The following TNRC6A variants were observed in gnomAD, a reference collection of about 807,000 sequenced individuals.
The protein encoded by TNRC6A is trinucleotide repeat containing adaptor 6A.
TNRC6A carries 44 observed loss-of-function variants against 221.2 expected under a neutral mutation model. The ratio of observed to expected loss-of-function variants is 0.20; its 90% CI spans 0.16 to 0.26. TNRC6A has a LOEUF of 0.26. TNRC6A is among the 10% of genes least tolerant of loss of function. The pLI, the probability that TNRC6A is intolerant of heterozygous loss-of-function variation, is 1.00. For synonymous variants in TNRC6A, 847 were observed against 838.5 expected (o/e 1.01, Z -0.18); for missense variants, 2,199 against 2,404.4 (o/e 0.91, Z 1.79).
At chr16:24,671,008 T>G (rs1457854259) in intron 2 of TNRC6A, 1 of 391,102 alleles carries the variant, frequency 2.6e-6, no homozygotes, top group Non-Finnish European at 5.3e-6. Context: ...GGCAGCACAT[T>G]CCTCATCTTC....
chr16:24,729,669 GCGGCGGCGGCGGTGT>G lies in TNRC6A; in HGVS notation c.-160_-146del, dbSNP rs1166358176. ...GGCATTCACTTCCGGTCTGGGGCCT[GCGGCGGCGGCGGTGT>G]CGGCGGCGGCGGCGGCGGCGGCGGC... On this transcript the variant is annotated 5_prime_UTR_variant, in exon 1 of 25. Coordinates refer to ENST00000395799, the MANE Select transcript of TNRC6A (RefSeq NM_014494.4). The G allele has an allele frequency of 1.1e-4, 68 of 635,010 alleles. 1 individual carries two copies. Among genetic ancestry groups the G allele is most frequent in the East Asian group, 4.1e-4 (11 of 26,970 alleles). 39.3% of individuals were successfully genotyped at this position (635,010 alleles called of 1,614,324 possible). A position where few individuals can be genotyped will look rare whatever the true frequency, so the allele number is the denominator to read the frequency against.
intron 2 of TNRC6A, among the ~76,000 whole-genome samples, chr16:24,648,897 T>C (rs987559271): frequency 1.3e-5 from 2 of 152,202 alleles, no homozygotes; most frequent in Admixed American, 1.3e-4. Context: ...AGCTTTTTTG[T>C]TTCACTCTAC....
Position 24,794,601 on chromosome 16 carries a change from G to A in TNRC6A, c.3410G>A (p.Arg1137His), listed in dbSNP as rs771133343. 2.3e-5 allele frequency: 37 copies of A among 1,613,798 alleles called. No individual in the cohort carries two copies. The highest frequency in any genetic ancestry group is 3.0e-5 in the Non-Finnish European group (35 of 1,179,908). ...GATGATATGCCATTGCCTGGAAATC[G>A]CCCCACTGGCTGGGAAGAGGAAGAG... ...CGDDMPLPGN[R>H]PTGWEEEEDV... is the part of the protein sequence containing the mutation. The change falls in exon 8 of 25, where the codon CGC becomes CAC. Residue 1137 changes from arginine to histidine, a missense_variant. Arg to His is a conservative substitution (Grantham distance 29). Transcript: ENST00000395799.
chr16:24,815,242 A>G lies in TNRC6A; in HGVS notation c.4768A>G (p.Ile1590Val), dbSNP rs1167438773. The change falls in exon 19 of 25, where the codon ATA (isoleucine) becomes GTA (valine). Residue 1590 changes from isoleucine to valine, a missense_variant. Transcript: ENST00000395799. Reference sequence around the variant, plus strand: ...TTCACCAGCCAGTCCTCCAGGTTCAATAGGAGATGGCTGGCCACGTGCCAA... The same window carrying G: ...TTCACCAGCCAGTCCTCCAGGTTCAGTAGGAGATGGCTGGCCACGTGCCAA... The part of the protein sequence containing the change: ...STSPASPPGS[I>V]GDGWPRAKSP... 3.7e-6 allele frequency: 6 copies of G among 1,614,226 alleles called. No individual in the cohort carries two copies. The highest frequency in any genetic ancestry group is 1.3e-5 in the African/African-American group (1 of 75,058).
At position 24,790,390 on chromosome 16, in the gene TNRC6A, G is replaced by A. The variant is rs145102738; in HGVS notation, c.1748G>A (p.Ser583Asn). 1 of 1,614,228 alleles carries A rather than the reference G, an allele frequency of 6.2e-7. No homozygotes were observed. The highest frequency in any genetic ancestry group is 8.5e-7 in the Non-Finnish European group (1 of 1,180,040). ...GAATCTGGTGCAGCAAACTCCCAGAGTACATCATGGGGAAGTGGAAATGGC... is the reference window on the plus strand; with the variant it reads ...GAATCTGGTGCAGCAAACTCCCAGAATACATCATGGGGAAGTGGAAATGGC... Reference protein sequence around the residue: ...VWESGAANSQSTSWGSGNGAN... With the variant: ...VWESGAANSQNTSWGSGNGAN... Residue 583 changes from serine to asparagine, a missense_variant, in exon 6 of 25, where the codon AGT becomes AAT. By Grantham distance (46) the Ser-to-Asn change is conservative. Around this residue, in one of 8 missense-constraint regions of TNRC6A, gnomAD observed 1,405 missense variants for 1,400.2 expected, o/e 1.00. Coordinates refer to ENST00000395799, the MANE Select transcript of TNRC6A (RefSeq NM_014494.4).
upstream of TNRC6A, among the ~76,000 whole-genome samples, chr16:24,724,807 A>G (rs975180289): frequency 6.6e-6 from 1 of 152,160 alleles, no homozygotes; most frequent in Non-Finnish European, 1.5e-5. Context: ...ATGTTTATAC[A>G]TTACTGTGAA....
At chr16:24,660,014 C>T (rs1460142389) in intron 2 of TNRC6A, among the ~76,000 whole-genome samples, 1 of 151,876 alleles carries the variant, frequency 6.6e-6, no homozygotes, top group Non-Finnish European at 1.5e-5. Context: ...ATATGTTAGT[C>T]TTGGTGTCTG....
rs546968058 is a variant in TNRC6A at position 24,622,577 on chromosome 16, G to A, written n.276+12093G>A. Among the ~76,000 whole-genome samples the A allele has an allele frequency of 2.0e-5, 3 of 152,300 alleles. No homozygotes were observed. The East Asian group carries it at 5.8e-4, about 29-fold the overall frequency. On this transcript the variant is annotated intron_variant and non_coding_transcript_variant, in intron 1 of 2. Coordinates refer to the TNRC6A transcript ENST00000566108. ...CTACTGCACTCCAGCCTGGGTGACA[G>A]AGAGAGACTGCATCTCAAAGAAGAA...
At chr16:24,766,678 T>C (rs2057479674) in intron 4 of TNRC6A, among the ~76,000 whole-genome samples, 1 of 146,736 alleles carries the variant, frequency 6.8e-6, no homozygotes, top group African/African-American at 2.5e-5. Context: ...TTTTATCTTT[T>C]TTTTTTTTTT....
rs540191364 is a variant in TNRC6A at position 24,735,498 on chromosome 16, T to G, written c.53+5198T>G. Among the ~76,000 whole-genome samples, 59 of 152,294 alleles carry G rather than the reference T, an allele frequency of 3.9e-4. 1 individual carries two copies. The South Asian group carries it at 4.8e-3, about 12-fold the overall frequency. ...AGGTTGGTGCGAAAGTTAATTGTGG[T>G]TTTTGCTCATTTTTAATGTACCAAC... On this transcript the variant is annotated intron_variant, in intron 2 of 24. Coordinates refer to ENST00000395799, the MANE Select transcript of TNRC6A (RefSeq NM_014494.4).
intron 4 of TNRC6A, among the ~76,000 whole-genome samples, chr16:24,761,319 A>T (rs2057357398): frequency 6.6e-6 from 1 of 152,240 alleles, no homozygotes; most frequent in East Asian, 1.9e-4. Flanking sequence ...TTGAATATTT[A>T]AAAAATCTTT....
At chr16:24,765,436 G>T (rs1326101093) in intron 4 of TNRC6A, among the ~76,000 whole-genome samples, 1 of 152,184 alleles carries the variant, frequency 6.6e-6, no homozygotes, top group African/African-American at 2.4e-5. Context: ...CACAGGTTGG[G>T]TAGTTCTGCT....
At chr16:24,757,095 C>T (rs2057267673) in intron 3 of TNRC6A, among the ~76,000 whole-genome samples, 1 of 152,096 alleles carries the variant, frequency 6.6e-6, no homozygotes, top group South Asian at 2.1e-4. Context: ...GTGTTGTTAG[C>T]TAGTTGACTG....
intron 4 of TNRC6A, among the ~76,000 whole-genome samples, chr16:24,769,989 T>G (rs984413687): frequency 6.6e-6 from 1 of 152,186 alleles, no homozygotes; most frequent in African/African-American, 2.4e-5. Flanking sequence ...CAGAGCACAT[T>G]GACTGCATTG....
intron 2 of TNRC6A, among the ~76,000 whole-genome samples, chr16:24,696,347 CAAAAA>C (rs56696667): frequency 0.66 from 83,175 of 125,218 alleles, 26,400 homozygotes; most frequent in Admixed American, 0.73. Context: ...GACTCCATCT[CAAAAA>C]AAAAAAAAAA....
At chr16:24,643,177 C>T (rs1902088593) in intron 2 of TNRC6A, among the ~76,000 whole-genome samples, 1 of 145,166 alleles carries the variant, frequency 6.9e-6, no homozygotes, top group African/African-American at 2.6e-5. Flanking sequence ...ATGGCCTGGG[C>T]TATAGAGGAA....
At chr16:24,784,574 G>C (rs981773285) in intron 5 of TNRC6A, among the ~76,000 whole-genome samples, 2 of 152,104 alleles carry the variant, frequency 1.3e-5, no homozygotes, top group African/African-American at 4.8e-5. Flanking sequence ...TTCCCGCCTT[G>C]GCCTCCCAAA....
chr16:24,741,019 T>C (rs954754938), intron 2 of TNRC6A, among the ~76,000 whole-genome samples: 3 of 152,364 alleles, frequency 2.0e-5, no homozygotes, highest in Admixed American at 6.5e-5. Context: ...GTGCTGAACA[T>C]GTTCATTAGT....
At chr16:24,774,630 A>G (rs976209868) in intron 4 of TNRC6A, among the ~76,000 whole-genome samples, 3 of 152,214 alleles carry the variant, frequency 2.0e-5, no homozygotes, top group Non-Finnish European at 4.4e-5. Context: ...GTATTACAGC[A>G]GCAGGTAGCT....
Sources: gnomAD v4.1 joint callset for allele counts (sites outside exome capture counted in the v4.1 genomes callset) on GRCh38, gnomAD v4.1.1 for gene constraint, gnomAD v4.1.1 regional missense constraint, MANE v1.5 for transcripts, NCBI Gene and HGNC (gene_info 2026-07-23, HGNC 2026-07-21) for gene names.